The following GPR26 variants were observed in gnomAD, a reference collection of about 807,000 sequenced individuals.
GPR26 encodes G protein-coupled receptor 26.
A neutral mutation model predicts 23.1 loss-of-function variants in GPR26; 15 were observed. The observed-to-expected ratio is 0.65, with a 90% CI of 0.43 to 1.00. GPR26 has a LOEUF of 1.00. GPR26 is among the 50% of genes least tolerant of loss of function. The pLI is 0.00. For synonymous variants in GPR26, 228 were observed against 222.1 expected, an observed-to-expected ratio of 1.03 and a Z score of -0.24; for missense variants, 359 against 470.5, an observed-to-expected ratio of 0.76 and a Z score of 2.19.
chr10:123,674,887 C>T lies in GPR26; in HGVS notation c.738C>T (p.Phe246=). ...GAGCCACCAAGAAGATCAGCACCTT[C>T]ATAGGGACCTTCCTTGTGTGCTTCG... ...RQRATKKIST[F]IGTFLVCFAP... is the part of the protein sequence containing the mutation. Residue 246 remains phenylalanine, a synonymous_variant, in exon 2 of 3, where the codon TTC becomes TTT. Transcript: ENST00000284674. This position sits in a 1 kb window ranked among gnomAD's most constrained non-coding sequence, Gnocchi z 4.1. 6.2e-7 allele frequency: 1 copy of T among 1,613,592 alleles called. No homozygotes were observed. The highest frequency in any genetic ancestry group is 8.5e-7 in the Non-Finnish European group (1 of 1,179,770).
chr10:123,668,823 C>G (rs1589922693), intron 1 of GPR26, among the ~76,000 whole-genome samples: 2 of 152,172 alleles, frequency 1.3e-5, no homozygotes, highest in African/African-American at 4.8e-5. Flanking sequence ...GAGGGTTGAG[C>G]TGGGAGTGGA....
At chr10:123,679,963 A>T (rs1009534792) in intron 2 of GPR26, among the ~76,000 whole-genome samples, 3 of 152,170 alleles carry the variant, frequency 2.0e-5, no homozygotes, top group Non-Finnish European at 4.4e-5. Context: ...AGCCTGGGGG[A>T]ACATCCAGGG....
intron 2 of GPR26, among the ~76,000 whole-genome samples, chr10:123,681,624 G>C (rs1845379001): frequency 1.3e-5 from 2 of 152,234 alleles, no homozygotes; most frequent in South Asian, 4.1e-4. Context: ...GGATTCTGCT[G>C]TAATATCTGC....
In GPR26 at chr10:123,688,080, C is replaced by T. The variant is rs1347586269; in HGVS notation, c.934C>T (p.Leu312Phe). The change falls in exon 3 of 3, where the codon CTC (leucine) becomes TTC (phenylalanine). Residue 312 changes from leucine (L) to phenylalanine (F), a missense_variant. By Grantham distance (22) the Leu-to-Phe change is conservative (BLOSUM62 0). Coordinates refer to ENST00000284674, the MANE Select transcript of GPR26 (RefSeq NM_153442.4). ...AAGCTGCAAGGAGATTCTGAACAGGCTCCTGCACAGACGCTCCATCCACTC... is the reference window on the plus strand; with the variant it reads ...AAGCTGCAAGGAGATTCTGAACAGGTTCCTGCACAGACGCTCCATCCACTC... ...RKSCKEILNR[L>F]LHRRSIHSSG... 1.2e-6 allele frequency: 2 copies of T among 1,613,830 alleles called. No homozygotes were observed. The highest frequency in any genetic ancestry group is 1.7e-6 in the Non-Finnish European group (2 of 1,179,930).
At chr10:123,680,760 G>C (rs1845361478) in intron 2 of GPR26, among the ~76,000 whole-genome samples, 1 of 142,098 alleles carries the variant, frequency 7.0e-6, no homozygotes, top group East Asian at 2.3e-4. Flanking sequence ...CTGTACCAAA[G>C]CTGTCCAGAC....
At chr10:123,686,956 G>A (rs1237478448) in intron 2 of GPR26, among the ~76,000 whole-genome samples, 1 of 152,132 alleles carries the variant, frequency 6.6e-6, no homozygotes. Flanking sequence ...TGTTAATGCT[G>A]GATAATGTCC....
chr10:123,667,474 A>T (rs1371034511), intron 1 of GPR26, among the ~76,000 whole-genome samples: 6 of 151,260 alleles, frequency 4.0e-5, no homozygotes, highest in Non-Finnish European at 8.8e-5. Context: ...ATGCTTAGGG[A>T]GCTCCTTAAG....
chr10:123,683,158 C>T (rs1324877924), intron 2 of GPR26, among the ~76,000 whole-genome samples: 1 of 75,578 alleles, frequency 1.3e-5, no homozygotes, highest in Non-Finnish European at 3.2e-5. Flanking sequence ...TTTGAAAGTA[C>T]AGGTGCTTGA....
intron 2 of GPR26, among the ~76,000 whole-genome samples, chr10:123,686,189 C>T (rs1845428958): frequency 6.6e-6 from 1 of 152,088 alleles, no homozygotes; most frequent in African/African-American, 2.4e-5. Context: ...AAATGCTAAG[C>T]CTGAATTTAG....
intron 2 of GPR26, among the ~76,000 whole-genome samples, chr10:123,677,471 T>G (rs1184953715): frequency 6.6e-6 from 1 of 152,200 alleles, no homozygotes; most frequent in East Asian, 1.9e-4. Context: ...CTTTCTCATG[T>G]GTGTGGAGGT....
intron 2 of GPR26, among the ~76,000 whole-genome samples, chr10:123,686,593 G>A (rs1028275393): frequency 5.3e-5 from 8 of 151,944 alleles, no homozygotes; most frequent in African/African-American, 1.7e-4. Context: ...CCTCCTCTTC[G>A]CCAGCTCTAC....
chr10:123,679,746 G>A (rs1451674143), intron 2 of GPR26, among the ~76,000 whole-genome samples: 1 of 152,088 alleles, frequency 6.6e-6, no homozygotes, highest in Non-Finnish European at 1.5e-5. Context: ...GCAGACCCAG[G>A]TCTCCCCTTC....
At chr10:123,675,215 A>T (rs1385631528) in intron 2 of GPR26, among the ~76,000 whole-genome samples, 1 of 152,132 alleles carries the variant, frequency 6.6e-6, no homozygotes, top group East Asian at 1.9e-4. Context: ...CCCAACCCCC[A>T]GGAGGCCCTA....
Position 123,696,339 on chromosome 10 carries a change from G to A in GPR26, c.*8179G>A, listed in dbSNP as rs1845543372. On this transcript the variant is annotated 3_prime_UTR_variant, in exon 3 of 3. Coordinates refer to ENST00000284674, the MANE Select transcript of GPR26 (RefSeq NM_153442.4). ...TCCTCAGTCCTCCTGGAGGCTCCTAGTAATGAGGGCACTGAACACCAATTC... is the reference window on the plus strand; with the variant it reads ...TCCTCAGTCCTCCTGGAGGCTCCTAATAATGAGGGCACTGAACACCAATTC... 6.6e-6 allele frequency among the ~76,000 whole-genome samples: 1 copy of A among 152,162 alleles called. No individual in the cohort carries two copies. The highest frequency in any genetic ancestry group is 2.1e-4 in the South Asian group (1 of 4,826).
intron 1 of GPR26, among the ~76,000 whole-genome samples, chr10:123,673,739 G>A (rs995010872): frequency 2.0e-5 from 3 of 152,188 alleles, no homozygotes; most frequent in African/African-American, 7.2e-5. Context: ...GAAGCATGAA[G>A]AAGTGGAGGA....
In GPR26 at chr10:123,696,686, T is replaced by C. The variant is rs1395872544; in HGVS notation, c.*8526T>C. Among the ~76,000 whole-genome samples, 1 of 152,222 alleles carries C rather than the reference T, an allele frequency of 6.6e-6. No individual in the cohort carries two copies. The highest frequency in any genetic ancestry group is 6.5e-5 in the Admixed American group (1 of 15,286). Reference sequence around the variant, plus strand: ...GTTGCAATCCCTTAATGTCAGACTCTTAGGAAAATGGGTGGGACATCTGTG... The same window carrying C: ...GTTGCAATCCCTTAATGTCAGACTCCTAGGAAAATGGGTGGGACATCTGTG... On this transcript the variant is annotated 3_prime_UTR_variant, in exon 3 of 3. Transcript: ENST00000284674.
At chr10:123,686,179 A>C (rs1056820745) in intron 2 of GPR26, among the ~76,000 whole-genome samples, 1 of 152,212 alleles carries the variant, frequency 6.6e-6, no homozygotes, top group African/African-American at 2.4e-5. Flanking sequence ...GGGAGAGCCA[A>C]AATGCTAAGC....
At chr10:123,685,865 A>G (rs1226140889) in intron 2 of GPR26, among the ~76,000 whole-genome samples, 2 of 152,158 alleles carry the variant, frequency 1.3e-5, no homozygotes, top group East Asian at 3.9e-4. Context: ...CTCACCTGTA[A>G]AGTGGGAATA....
At chr10:123,667,188 C>A in intron 1 of GPR26, 113 bp downstream of exon 1, 1 of 850,452 alleles carries the variant, frequency 1.2e-6, no homozygotes, top group Non-Finnish European at 1.8e-6. Flanking sequence ...CTTCTGAGAA[C>A]TCGAGGGTGG....
Sources: gnomAD v4.1 joint callset for allele counts (sites outside exome capture counted in the v4.1 genomes callset) on GRCh38, gnomAD v4.1.1 for gene constraint, Gnocchi (gnomAD v3.1) non-coding constraint, MANE v1.5 for transcripts, NCBI Gene and HGNC (gene_info 2026-07-23, HGNC 2026-07-21) for gene names.